Variants in CACNA1E observed in about 807,000 individuals in gnomAD.
The protein encoded by CACNA1E is calcium voltage-gated channel subunit alpha1 E, also known as voltage-dependent R-type calcium channel subunit alpha-1E.
In CACNA1E, 40 loss-of-function variants were observed where a neutral mutation model predicts 259.2. The ratio of observed to expected loss-of-function variants is 0.15; its 90% CI spans 0.12 to 0.20. CACNA1E has a LOEUF of 0.20. Among genes scored for constraint, CACNA1E ranks in the 10% least tolerant of loss-of-function variants. The pLI is 1.00. For synonymous variants in CACNA1E, 1,104 were observed against 1,138.5 expected (o/e 0.97, Z 0.61); for missense variants, 1,874 against 3,040.1 (o/e 0.62, Z 9.02).
chr1:181,706,925 C>T (rs907993372), intron 7 of CACNA1E, among the ~76,000 whole-genome samples: 6 of 152,252 alleles, frequency 3.9e-5, no homozygotes, highest in African/African-American at 9.6e-5. Flanking sequence ...GTTACATGAA[C>T]ATTAGCTGTT....
intron 3 of CACNA1E, among the ~76,000 whole-genome samples, chr1:181,528,038 A>G (rs1299066030): frequency 1.3e-5 from 2 of 150,734 alleles, no homozygotes; most frequent in African/African-American, 2.4e-5. Flanking sequence ...TATCTGTTTC[A>G]TTTTACTCCC....
chr1:181,342,761 A>G (rs1224827854), intron 1 of CACNA1E, among the ~76,000 whole-genome samples: 1 of 152,208 alleles, frequency 6.6e-6, no homozygotes, highest in African/African-American at 2.4e-5. Flanking sequence ...TGGCAGAGAA[A>G]GAGGACCACT....
At position 181,731,196 on chromosome 1, in the gene CACNA1E, C is replaced by G; in HGVS notation, c.2262C>G (p.His754Gln). ...PSIERDRRRR[H>Q]HMSMWEPRSS... ...CCAGAAGAGACAGAAGGAGAAGACA[C>G]CACATGTCGATGTGGGAGCCACGCA... The change falls in exon 19 of 48, where the codon CAC becomes CAG. Residue 754 changes from histidine to glutamine, a missense_variant. Coordinates refer to ENST00000367573, the MANE Select transcript of CACNA1E (RefSeq NM_001205293.3). 6.2e-7 allele frequency: 1 copy of G among 1,613,824 alleles called. No homozygotes were observed. Among genetic ancestry groups the G allele is most frequent in the East Asian group, 2.2e-5 (1 of 44,870 alleles).
rs146906596 is a variant in CACNA1E at position 181,753,484 on chromosome 1, T to C, written c.3828+1245T>C. 1.8e-3 allele frequency among the ~76,000 whole-genome samples: 272 copies of C among 152,326 alleles called. 1 individual carries two copies. Among genetic ancestry groups the C allele is most frequent in the African/African-American group, 6.3e-3 (261 of 41,568 alleles). On this transcript the variant is annotated intron_variant, in intron 27 of 47. Coordinates refer to ENST00000367573, the MANE Select transcript of CACNA1E (RefSeq NM_001205293.3). ...TGACCCAGGGCAAATTACTTATTCTTTGACTTTCTTTCACATGGGAAATGA... is the reference window on the plus strand; with the variant it reads ...TGACCCAGGGCAAATTACTTATTCTCTGACTTTCTTTCACATGGGAAATGA...
chr1:181,353,367 G>A (rs946212770), intron 1 of CACNA1E, among the ~76,000 whole-genome samples: 1 of 152,216 alleles, frequency 6.6e-6, no homozygotes, highest in African/African-American at 2.4e-5. Flanking sequence ...TCAGTCCTGA[G>A]TGCAGGGGGA....
chr1:181,742,425 C>A (rs1656667724), intron 25 of CACNA1E, among the ~76,000 whole-genome samples: 1 of 152,216 alleles, frequency 6.6e-6, no homozygotes, highest in Non-Finnish European at 1.5e-5. Context: ...CATATATTTG[C>A]CCCATAATGT....
intron 6 of CACNA1E, among the ~76,000 whole-genome samples, chr1:181,586,372 G>C (rs1402268030): frequency 6.6e-6 from 1 of 152,150 alleles, no homozygotes; most frequent in Non-Finnish European, 1.5e-5. Context: ...AGTTTTCAGT[G>C]TATAGATGGT....
intron 1 of CACNA1E, among the ~76,000 whole-genome samples, chr1:181,350,682 A>C: frequency 6.6e-6 from 1 of 152,166 alleles, no homozygotes; most frequent in East Asian, 1.9e-4. Context: ...TTCCACCCAG[A>C]CTGGGGCTCT....
intron 6 of CACNA1E, among the ~76,000 whole-genome samples, chr1:181,596,595 TGTAC>T (rs1353859088): frequency 2.1e-5 from 3 of 143,938 alleles, no homozygotes; most frequent in Non-Finnish European, 3.1e-5. Context: ...TGTGTGTGTG[TGTAC>T]ACACACATAT....
chr1:181,725,155 A>G (rs1212258697), intron 17 of CACNA1E, among the ~76,000 whole-genome samples: 2 of 152,180 alleles, frequency 1.3e-5, no homozygotes, highest in Non-Finnish European at 2.9e-5. Flanking sequence ...GAGGGTGCCA[A>G]TTTGGTTTTG....
intron 2 of CACNA1E, among the ~76,000 whole-genome samples, chr1:181,458,654 C>A (rs1323059173): frequency 2.0e-5 from 3 of 152,228 alleles, no homozygotes; most frequent in Non-Finnish European, 4.4e-5. Context: ...AGCTGGGACT[C>A]TCCATGCCTA....
chr1:181,524,940 A>G (rs1270266621), intron 3 of CACNA1E, among the ~76,000 whole-genome samples: 1 of 152,192 alleles, frequency 6.6e-6, no homozygotes, highest in Non-Finnish European at 1.5e-5. Flanking sequence ...TGCATAGGAG[A>G]TATATAATAA....
intron 1 of CACNA1E, among the ~76,000 whole-genome samples, chr1:181,332,843 T>C (rs1203391023): frequency 2.6e-5 from 4 of 152,184 alleles, no homozygotes; most frequent in Admixed American, 2.6e-4. Context: ...TGATATTACA[T>C]CTGGGACCCC....
chr1:181,746,895 C>T (rs1657136821), intron 25 of CACNA1E, among the ~76,000 whole-genome samples: 1 of 152,262 alleles, frequency 6.6e-6, no homozygotes, highest in South Asian at 2.1e-4. Flanking sequence ...TATTAACCGC[C>T]TTAACTTTGA....
chr1:181,573,975 A>G (rs1366223021), intron 3 of CACNA1E, among the ~76,000 whole-genome samples: 1 of 152,252 alleles, frequency 6.6e-6, no homozygotes, highest in Admixed American at 6.5e-5. Flanking sequence ...TGTCCTTTGT[A>G]GGGACATGGA....
chr1:181,488,870 A>G (rs1387824391), intron 1 of CACNA1E, among the ~76,000 whole-genome samples: 3 of 152,198 alleles, frequency 2.0e-5, no homozygotes, highest in East Asian at 1.9e-4. Flanking sequence ...TTATCTCTTT[A>G]TAGCACTGCT....
chr1:181,455,946 G>A (rs959054457), intron 2 of CACNA1E, among the ~76,000 whole-genome samples: 5 of 152,174 alleles, frequency 3.3e-5, no homozygotes, highest in African/African-American at 1.2e-4. Context: ...TGGAGAGGGA[G>A]GAACTGGTGG....
chr1:181,368,531 C>A (rs1280915742), intron 1 of CACNA1E, among the ~76,000 whole-genome samples: 1 of 152,164 alleles, frequency 6.6e-6, no homozygotes, highest in African/African-American at 2.4e-5. Context: ...ATAATTCAGA[C>A]ATCCCTATGG....
In CACNA1E at chr1:181,766,617, C is replaced by T; in HGVS notation, c.4881+6C>T. On this transcript the variant is annotated splice_donor_region_variant and intron_variant, in intron 35 of 47. Coordinates refer to ENST00000367573, the MANE Select transcript of CACNA1E (RefSeq NM_001205293.3). ...ATGCCATCATTGGGATGCAGGTGAGCTGGTAAATCAAGGGCCCGGTGGGGG... is the reference window on the plus strand; with the variant it reads ...ATGCCATCATTGGGATGCAGGTGAGTTGGTAAATCAAGGGCCCGGTGGGGG... 3.1e-6 allele frequency: 5 copies of T among 1,609,058 alleles called. No homozygotes were observed. The highest frequency in any genetic ancestry group is 1.1e-5 in the South Asian group (1 of 90,730).
Sources: gnomAD v4.1 joint callset for allele counts (sites outside exome capture counted in the v4.1 genomes callset) on GRCh38, gnomAD v4.1.1 for gene constraint, MANE v1.5 for transcripts, NCBI Gene and HGNC (gene_info 2026-07-23, HGNC 2026-07-21) for gene names.